DIS3L2: variants seen among roughly 807,000 people sequenced by gnomAD.
DIS3L2 encodes DIS3-like exonuclease 2.
Under a neutral mutation model 97.5 loss-of-function variants are expected in DIS3L2, and 34 were observed. The observed-to-expected ratio is 0.35, with a 90% confidence interval of 0.27 to 0.46. The LOEUF is 0.46. DIS3L2 is among the 20% of genes least tolerant of loss of function. The pLI is 1.00. For missense variants in DIS3L2, 1,038 were observed against 1,146.0 expected (o/e 0.91, Z 1.36); for synonymous variants, 435 against 445.2 (o/e 0.98, Z 0.29).
At chr2:232,262,110 T>C (rs912929175) in intron 12 of DIS3L2, among the ~76,000 whole-genome samples, 1 of 152,166 alleles carries the variant, frequency 6.6e-6, no homozygotes, top group Non-Finnish European at 1.5e-5. Flanking sequence ...CTCAGCTCTC[T>C]TGTTTTTTCT....
rs542890394 is a variant in DIS3L2 at position 232,063,532 on chromosome 2, A to G, written c.367-23955A>G. Among the ~76,000 whole-genome samples the G allele has an allele frequency of 2.0e-4, 31 of 152,054 alleles. No individual in the cohort carries two copies. The South Asian group carries it at 6.3e-3, about 31-fold the overall frequency. ...CTTCCAGCTGCAGTGACACCTGTCT[A>G]CTTTCTGTTCTGCAAACATGCCTAC... On this transcript the variant is annotated intron_variant, in intron 5 of 20. Coordinates refer to ENST00000325385, the MANE Select transcript of DIS3L2 (RefSeq NM_152383.5).
rs149065706 is a variant in DIS3L2 at position 232,276,844 on chromosome 2, G to A, written c.1659+13404G>A. The stretch of plus-strand genomic sequence containing the variant: ...ATAGGAATATTAGGTTAGATGAGAT[G>A]TACCCGTAAAACACTTGGAACAGTG... On this transcript the variant is annotated intron_variant, in intron 13 of 20. Coordinates refer to ENST00000325385, the MANE Select transcript of DIS3L2 (RefSeq NM_152383.5). The surrounding 1 kb of genome is among the most constrained non-coding windows in gnomAD (Gnocchi z 4.4). Among the ~76,000 whole-genome samples, 17 of 152,330 alleles carry A rather than the reference G, an allele frequency of 1.1e-4. No individual in the cohort carries two copies. In the East Asian group the frequency reaches 2.7e-3, roughly 24 times the overall value.
At chr2:232,343,603 A>G (rs1696163019) in exon 14 of DIS3L2, 3 of 1,569,878 alleles carry the variant, frequency 1.9e-6, no homozygotes, top group Non-Finnish European at 1.7e-6. Flanking sequence ...CTTGTGGCGG[A>G]GAAGGAAAGA....
chr2:232,298,759 A>G (rs1694783372), intron 13 of DIS3L2, among the ~76,000 whole-genome samples: 1 of 152,180 alleles, frequency 6.6e-6, no homozygotes, highest in Non-Finnish European at 1.5e-5. Context: ...TGCTTTAAAA[A>G]CCCAGTGAAT....
intron 11 of DIS3L2, among the ~76,000 whole-genome samples, 173 bp from the exon 12 acceptor site, chr2:232,249,066 C>G (rs1050734508): frequency 6.6e-6 from 1 of 152,200 alleles, no homozygotes; most frequent in Non-Finnish European, 1.5e-5. Context: ...ACTCTAGAGG[C>G]GCATGGAAAA....
At chr2:232,130,812 G>T in intron 7 of DIS3L2, 93 bp downstream of exon 7, 1 of 1,435,858 alleles carries the variant, frequency 7.0e-7, no homozygotes. Context: ...GACTGTATTT[G>T]GTCATTTAAT....
chr2:232,307,438 A>G (rs569524239), intron 14 of DIS3L2: 1 of 152,366 alleles, frequency 6.6e-6, no homozygotes, highest in East Asian at 1.9e-4. Context: ...AAGAGCTAAC[A>G]TGGAGAAAAG....
At chr2:231,978,952 A>G (rs1693173520) in intron 1 of DIS3L2, among the ~76,000 whole-genome samples, 3 of 152,182 alleles carry the variant, frequency 2.0e-5, no homozygotes, top group South Asian at 2.1e-4. Flanking sequence ...TGCTTCTTTC[A>G]TATTGATTGT....
At chr2:231,963,370 A>G (rs537813810) in intron 1 of DIS3L2, among the ~76,000 whole-genome samples, 174 of 152,194 alleles carry the variant, frequency 1.1e-3, no homozygotes, top group Non-Finnish European at 2.0e-3. Flanking sequence ...GGCTGCTTGT[A>G]TGTCGTGGTT....
At chr2:232,158,149 G>A (rs905752083) in intron 8 of DIS3L2, among the ~76,000 whole-genome samples, 1 of 152,160 alleles carries the variant, frequency 6.6e-6, no homozygotes, top group Non-Finnish European at 1.5e-5. Context: ...TTGAAGTTCT[G>A]CCCACTGGGA....
At chr2:232,334,081 G>GT in intron 17 of DIS3L2, 94 bp downstream of exon 17, 6 of 1,499,560 alleles carry the variant, frequency 4.0e-6, no homozygotes, top group Non-Finnish European at 5.3e-6. Context: ...CCATTCTGCC[G>GT]TGACAGCGGA....
intron 10 of DIS3L2, among the ~76,000 whole-genome samples, chr2:232,219,278 T>G (rs1323365476): frequency 3.3e-5 from 5 of 152,238 alleles, no homozygotes. Flanking sequence ...GGGTGTTCCT[T>G]GGATATCTCT....
intron 1 of DIS3L2, among the ~76,000 whole-genome samples, chr2:231,975,158 G>A (rs1574778034): frequency 1.3e-5 from 2 of 152,098 alleles, no homozygotes; most frequent in Admixed American, 6.5e-5. Flanking sequence ...AAATTGGAAT[G>A]TGTCCCTGGA....
In DIS3L2 at chr2:232,238,521, G is replaced by A. The variant is rs779551518; in HGVS notation, c.1205-12G>A. Reference sequence around the variant, plus strand: ...CCACGCCAGCCTGATAGTCCTTCTCGTGCATTTACAGGCAACTTCAAAGTG... The same window carrying A: ...CCACGCCAGCCTGATAGTCCTTCTCATGCATTTACAGGCAACTTCAAAGTG... On this transcript the variant is annotated splice_polypyrimidine_tract_variant and intron_variant, in intron 10 of 20. Coordinates refer to ENST00000325385, the MANE Select transcript of DIS3L2 (RefSeq NM_152383.5). The A allele has an allele frequency of 4.1e-5, 66 of 1,611,032 alleles. No individual in the cohort carries two copies. The highest frequency in any genetic ancestry group is 5.1e-5 in the Non-Finnish European group (60 of 1,177,730).
At chr2:232,286,760 T>G (rs1275230335) in intron 13 of DIS3L2, among the ~76,000 whole-genome samples, 1 of 152,214 alleles carries the variant, frequency 6.6e-6, no homozygotes, top group Non-Finnish European at 1.5e-5. Context: ...TACCCTTTAC[T>G]TCTCTACTAA....
intron 5 of DIS3L2, among the ~76,000 whole-genome samples, chr2:232,055,945 A>G (rs1695536653): frequency 6.6e-6 from 1 of 152,236 alleles, no homozygotes; most frequent in African/African-American, 2.4e-5. Context: ...CCTTTATTTC[A>G]TACCATGCAC....
At chr2:232,337,385 T>C (rs1387474494), downstream of DIS3L2, among the ~76,000 whole-genome samples, 2 of 151,880 alleles carry the variant, frequency 1.3e-5, no homozygotes, top group Admixed American at 1.3e-4. Flanking sequence ...CTGGTGTGAG[T>C]GGGTGCCCCG....
chr2:232,259,623 T>C (rs1693665285), intron 12 of DIS3L2, among the ~76,000 whole-genome samples: 1 of 151,920 alleles, frequency 6.6e-6, no homozygotes, highest in Non-Finnish European at 1.5e-5. Flanking sequence ...TTTTTCTGTT[T>C]GTTTTGTTTT....
At chr2:232,228,866 T>C (rs765075353) in intron 10 of DIS3L2, among the ~76,000 whole-genome samples, 17 of 152,250 alleles carry the variant, frequency 1.1e-4, no homozygotes, top group Non-Finnish European at 2.2e-4. Context: ...CATTGTTACC[T>C]TCTTCATATA....
Sources: gnomAD v4.1 joint callset for allele counts (sites outside exome capture counted in the v4.1 genomes callset) on GRCh38, gnomAD v4.1.1 for gene constraint, Gnocchi (gnomAD v3.1) non-coding constraint, MANE v1.5 for transcripts, NCBI Gene and HGNC (gene_info 2026-07-23, HGNC 2026-07-21) for gene names.